The following HMMR variants were observed in gnomAD, a reference collection of about 807,000 sequenced individuals.
HMMR encodes intracellular hyaluronic acid-binding protein.
A neutral mutation model predicts 101.0 loss-of-function variants in HMMR; 108 were observed. The ratio of observed to expected loss-of-function variants is 1.07; its 90% confidence interval spans 0.92 to 1.25. The LOEUF (loss-of-function observed/expected upper bound fraction) is 1.25, where lower values mean the gene tolerates loss of function less well. HMMR is among the 50% of genes most tolerant of loss of function. HMMR has a pLI of 0.00. For missense variants in HMMR, 813 were observed against 788.7 expected, an observed-to-expected ratio of 1.03 and a Z score of -0.37; for synonymous variants, 296 against 276.4, an observed-to-expected ratio of 1.07 and a Z score of -0.70.
At chr5:163,462,742 C>G (rs1241367030) in intron 1 of HMMR, among the ~76,000 whole-genome samples, 2 of 146,522 alleles carry the variant, frequency 1.4e-5, no homozygotes, top group African/African-American at 5.1e-5. Context: ...GCAGGAGAAT[C>G]GCTTGAACCC....
At position 163,482,756 on chromosome 5, in the gene HMMR, G is replaced by C. The variant is rs1315574250; in HGVS notation, c.1500G>C (p.Leu500Phe). 1 of 1,613,768 alleles carries C rather than the reference G, an allele frequency of 6.2e-7. No homozygotes were observed. Among genetic ancestry groups the C allele is most frequent in the Non-Finnish European group, 8.5e-7 (1 of 1,179,838 alleles). Residue 500 changes from leucine (L) to phenylalanine (F), a missense_variant, in exon 13 of 18, where the codon TTG becomes TTC. Physicochemically the swap from Leu to Phe is conservative, Grantham distance 22. Transcript: ENST00000393915. The stretch of plus-strand genomic sequence containing the variant: ...CAGAGGATGTTCAGCATCAGATTTT[G>C]GCAACTGAGAGCTCAAATCAAGAAT... ...KNAEDVQHQI[L>F]ATESSNQEYV... is the part of the protein sequence containing the mutation.
At position 163,469,221 on chromosome 5, in the gene HMMR, G is replaced by A. The variant is rs532519543; in HGVS notation, c.274-420G>A. 2.4e-4 allele frequency among the ~76,000 whole-genome samples: 36 copies of A among 151,996 alleles called. No individual in the cohort carries two copies. In the South Asian group the frequency reaches 6.0e-3, roughly 25 times the overall value. The stretch of plus-strand genomic sequence containing the variant: ...CTATTAAAAATACAAAAAATTAGCC[G>A]GGTGTGGTGGCCCGTGCTGGTAGTC... On this transcript the variant is annotated intron_variant, in intron 4 of 17. Transcript: ENST00000393915.
At chr5:163,489,880 T>A (rs900581686) in intron 16 of HMMR, among the ~76,000 whole-genome samples, 8 of 152,330 alleles carry the variant, frequency 5.3e-5, no homozygotes, top group Admixed American at 4.6e-4. Context: ...TGTAGCCGTC[T>A]GGCGTGGACT....
Position 163,474,346 on chromosome 5 carries a change from T to C in HMMR, c.1053+141T>C, listed in dbSNP as rs181404631. ...CTTATCCTGAGGACATAATCATGGA[T>C]ATGCTGAGGATTTAGCTACGTATTT... On this transcript the variant is annotated intron_variant, in intron 10 of 17. Transcript: ENST00000393915. 70 of 662,258 alleles carry C rather than the reference T, an allele frequency of 1.1e-4. 1 individual carries two copies. The East Asian group carries it at 1.3e-3, about 13-fold the overall frequency. The allele number at this position is 662,258 out of a possible 1,614,324, so 41.0% of individuals were successfully genotyped here.
chr5:163,481,882 G>C (rs1442944766), intron 12 of HMMR, among the ~76,000 whole-genome samples: 1 of 152,072 alleles, frequency 6.6e-6, no homozygotes. Context: ...GCTCTAGAGT[G>C]AGCTACACAT....
intron 1 of HMMR, among the ~76,000 whole-genome samples, chr5:163,462,015 C>A (rs1758555929): frequency 6.6e-6 from 1 of 152,066 alleles, no homozygotes; most frequent in African/African-American, 2.4e-5. Flanking sequence ...TTTTGTCAGC[C>A]AACGTGTGAA....
chr5:163,480,321 A>G (rs1400817853), intron 12 of HMMR, among the ~76,000 whole-genome samples: 2 of 152,200 alleles, frequency 1.3e-5, no homozygotes, highest in South Asian at 2.1e-4. Context: ...ATGTCATCAT[A>G]GTATATGCCG....
intron 16 of HMMR, 71 bp downstream of exon 16, chr5:163,484,316 A>G (rs1759391883): frequency 1.4e-6 from 1 of 717,140 alleles, no homozygotes; most frequent in African/African-American, 1.9e-5. Flanking sequence ...ATACTTAAAT[A>G]AAATGAATAT....
intron 12 of HMMR, among the ~76,000 whole-genome samples, chr5:163,480,378 A>G (rs1420911055): frequency 6.6e-6 from 1 of 152,016 alleles, no homozygotes; most frequent in African/African-American, 2.4e-5. Flanking sequence ...TGTTTTCAGG[A>G]TTGAATTGTG....
intron 16 of HMMR, among the ~76,000 whole-genome samples, chr5:163,489,033 C>G (rs1759583979): frequency 6.6e-6 from 1 of 152,192 alleles, no homozygotes; most frequent in Non-Finnish European, 1.5e-5. Context: ...GACCGGATCA[C>G]CCAGCTTGTG....
rs1561640421 is a variant in HMMR, at chr5:163,473,481, TG to T, written c.829del (p.Glu277ArgfsTer11). ...AAATTTTAAGCCTTAAGCAGTCTCTTGAGGAGAATATTGTTATATTATCTAA... is the reference window on the plus strand; with the variant it reads ...AAATTTTAAGCCTTAAGCAGTCTCTTAGGAGAATATTGTTATATTATCTAA... The part of the protein sequence containing the change: ...DEILSLKQSL[E>X]ENIVILSKQV... On this transcript the variant is annotated frameshift_variant, in exon 9 of 18. Transcript: ENST00000393915. LOFTEE classifies it high-confidence loss of function. 6.2e-7 allele frequency: 1 copy of T among 1,602,320 alleles called. No individual in the cohort carries two copies. The highest frequency in any genetic ancestry group is 1.7e-5 in the Admixed American group (1 of 58,944).
chr5:163,482,596 C>A, intron 12 of HMMR, 46 bp from the exon 13 acceptor site: 1 of 1,368,632 alleles, frequency 7.3e-7, no homozygotes, highest in Non-Finnish European at 1.0e-6. Context: ...GATTGTCATA[C>A]GCAATAGTTA....
intron 2 of HMMR, 95 bp from the exon 3 acceptor site, chr5:163,464,628 A>G: frequency 1.2e-6 from 1 of 855,734 alleles, no homozygotes; most frequent in Non-Finnish European, 1.9e-6. Flanking sequence ...AAAACAAACA[A>G]AAAGAGAAAG....
chr5:163,482,977 T>C, intron 13 of HMMR, 43 bp from the exon 14 acceptor site: 1 of 1,515,558 alleles, frequency 6.6e-7, no homozygotes, highest in South Asian at 1.3e-5. Flanking sequence ...TTAATGAAAG[T>C]GGCTATAAAA....
intron 3 of HMMR, chr5:163,465,212 G>T (rs1758658621): frequency 5.7e-6 from 1 of 176,442 alleles, no homozygotes; most frequent in South Asian, 1.3e-4. Context: ...TTGCTACTGA[G>T]AAACTGTTAA....
chr5:163,471,483 G>C lies in HMMR; in HGVS notation c.650+20G>C, dbSNP rs557470765. 13 of 1,518,012 alleles carry C rather than the reference G, an allele frequency of 8.6e-6. No homozygotes were observed. The highest frequency in any genetic ancestry group is 1.1e-5 in the Non-Finnish European group (12 of 1,094,982). The allele number at this position is 1,518,012 out of a possible 1,614,324, so 94.0% of individuals were successfully genotyped here. The stretch of plus-strand genomic sequence containing the variant: ...AAAACTGTAAGTGAGTGAATGTGAA[G>C]AGAAATTGTTAAGTGGAAGCAATTC... On this transcript the variant is annotated intron_variant, in intron 7 of 17. Coordinates refer to ENST00000393915, the MANE Select transcript of HMMR (RefSeq NM_001142556.2).
Position 163,474,122 on chromosome 5 carries a change from C to G in HMMR, c.970C>G (p.Gln324Glu), listed in dbSNP as rs1758993031. 3.7e-6 allele frequency: 6 copies of G among 1,610,790 alleles called. No homozygotes were observed. Among genetic ancestry groups the G allele is most frequent in the Non-Finnish European group, 5.1e-6 (6 of 1,177,766 alleles). The change falls in exon 10 of 18, where the codon CAG (glutamine) becomes GAG (glutamate). Residue 324 changes from glutamine (Q) to glutamate (E), a missense_variant. Gln to Glu is a conservative substitution (Grantham distance 29, BLOSUM62 2). Transcript: ENST00000393915. Reference protein sequence around the residue: ...NLNAEMQNLKQKFILEQQERE... With the variant: ...NLNAEMQNLKEKFILEQQERE... ...AAATGCAGAGATGCAAAACTTAAAACAGAAGTTTATTCTTGAACAACAGGA... is the reference window on the plus strand; with the variant it reads ...AAATGCAGAGATGCAAAACTTAAAAGAGAAGTTTATTCTTGAACAACAGGA...
intron 16 of HMMR, among the ~76,000 whole-genome samples, chr5:163,485,008 G>A (rs1041226870): frequency 5.9e-5 from 9 of 151,814 alleles, no homozygotes; most frequent in East Asian, 1.9e-4. Flanking sequence ...TTATTTATTC[G>A]TTTGTCAGTT....
At chr5:163,487,207 T>C (rs952956315) in intron 16 of HMMR, among the ~76,000 whole-genome samples, 1 of 152,244 alleles carries the variant, frequency 6.6e-6, no homozygotes, top group Non-Finnish European at 1.5e-5. Flanking sequence ...GAGATTATCA[T>C]GTAATTTTTT....
Sources: allele counts gnomAD v4.1 joint callset (sites outside exome capture counted in the v4.1 genomes callset), GRCh38; gene constraint gnomAD v4.1.1; transcripts MANE v1.5; gene names NCBI Gene and HGNC (gene_info 2026-07-23, HGNC 2026-07-21).